ADGRL3: variants seen among roughly 807,000 people sequenced by gnomAD.
The protein encoded by ADGRL3 is calcium-independent alpha-latrotoxin receptor 3.
In ADGRL3, 62 loss-of-function variants were observed where a neutral mutation model predicts 153.5. The ratio of observed to expected loss-of-function variants is 0.40; its 90% CI spans 0.33 to 0.50. ADGRL3 has a LOEUF of 0.50. Among genes scored for constraint, ADGRL3 ranks in the 20% least tolerant of loss-of-function variants. ADGRL3 has a pLI of 0.47. For missense variants in ADGRL3, 1,641 were observed against 1,859.4 expected, an observed-to-expected ratio of 0.88 and a Z score of 2.16; for synonymous variants, 710 against 672.5, an observed-to-expected ratio of 1.06 and a Z score of -0.86.
At position 61,412,686 on chromosome 4, in the gene ADGRL3, T is replaced by C. The variant is rs1489415141; in HGVS notation, c.-174+29497T>C. ...TCCTAAAGTTAGCTAACTTGATTCT[T>C]CTCTCCTTCCTTTCCATTTGGCTCT... On this transcript the variant is annotated intron_variant, in intron 2 of 26. Transcript: ENST00000683033. Among the ~76,000 whole-genome samples, 5 of 152,186 alleles carry C rather than the reference T, an allele frequency of 3.3e-5. No homozygotes were observed. In the South Asian group the frequency reaches 1.0e-3, roughly 32 times the overall value.
chr4:61,454,855 A>T (rs764790332), intron 2 of ADGRL3, among the ~76,000 whole-genome samples: 1 of 152,114 alleles, frequency 6.6e-6, no homozygotes. Flanking sequence ...AGAGTAGTGT[A>T]TGTCTTTGGA....
chr4:61,297,898 T>TTGATCAG (rs2094464858), intron 1 of ADGRL3, among the ~76,000 whole-genome samples: 2 of 152,134 alleles, frequency 1.3e-5, no homozygotes, highest in African/African-American at 4.8e-5. Context: ...TACAGTATCA[T>TTGATCAG]TTGCGAGACT....
At chr4:61,577,230 A>G (rs1055048188) in intron 4 of ADGRL3, among the ~76,000 whole-genome samples, 25 of 117,832 alleles carry the variant, frequency 2.1e-4, no homozygotes, top group African/African-American at 3.8e-4. Context: ...TGGGGGGGGG[A>G]TGAGGGAGGG....
chr4:62,008,257 T>G (rs1581858789), intron 21 of ADGRL3, among the ~76,000 whole-genome samples: 4 of 152,272 alleles, frequency 2.6e-5, no homozygotes, highest in Admixed American at 2.0e-4. Context: ...TGGTTTGTTT[T>G]TAAGCATGAG....
chr4:61,972,274 G>C (rs2150682624), intron 17 of ADGRL3, among the ~76,000 whole-genome samples: 1 of 152,180 alleles, frequency 6.6e-6, no homozygotes, highest in South Asian at 2.1e-4. Flanking sequence ...TTTCTTCTAG[G>C]GTTTTTATGG....
chr4:61,902,106 A>G (rs1002577871), intron 11 of ADGRL3, among the ~76,000 whole-genome samples: 5 of 152,190 alleles, frequency 3.3e-5, no homozygotes, highest in African/African-American at 1.2e-4. Flanking sequence ...AGAAGTAAAC[A>G]GGGGGATCAG....
chr4:61,988,904 A>C (rs2150952020), intron 19 of ADGRL3, among the ~76,000 whole-genome samples: 1 of 152,294 alleles, frequency 6.6e-6, no homozygotes, highest in Non-Finnish European at 1.5e-5. Flanking sequence ...CTTGAGTCCT[A>C]GAAGAATAGC....
At chr4:61,929,942 G>A (rs2098810664) in intron 13 of ADGRL3, among the ~76,000 whole-genome samples, 2 of 152,080 alleles carry the variant, frequency 1.3e-5, no homozygotes, top group Admixed American at 6.6e-5. Flanking sequence ...TGGGAGGTCC[G>A]AGGCAGGCGG....
intron 1 of ADGRL3, among the ~76,000 whole-genome samples, chr4:61,279,684 A>C (rs1045548592): frequency 3.3e-5 from 5 of 152,074 alleles, no homozygotes; most frequent in Non-Finnish European, 5.9e-5. Context: ...AGGACTTTAC[A>C]TGTCTCTGTT....
intron 17 of ADGRL3, among the ~76,000 whole-genome samples, chr4:61,964,525 A>G (rs79921203): frequency 0.025 from 3,822 of 152,120 alleles, 162 homozygotes; most frequent in African/African-American, 0.088. Context: ...TTTCATAATG[A>G]AATTGTCTAA....
At chr4:61,630,027 T>A (rs1415903973) in intron 5 of ADGRL3, among the ~76,000 whole-genome samples, 1 of 152,098 alleles carries the variant, frequency 6.6e-6, no homozygotes, top group African/African-American at 2.4e-5. Context: ...ATATGACAGA[T>A]CTCTTCATCT....
chr4:61,878,287 A>T (rs1329496850), intron 9 of ADGRL3, among the ~76,000 whole-genome samples: 2 of 152,170 alleles, frequency 1.3e-5, no homozygotes, highest in Non-Finnish European at 2.9e-5. Context: ...ATTCTGAAGT[A>T]CTCAAGATTA....
intron 9 of ADGRL3, among the ~76,000 whole-genome samples, chr4:61,826,743 T>A (rs1356526214): frequency 2.6e-5 from 4 of 152,042 alleles, no homozygotes. Context: ...CATATTGGTG[T>A]GGCCTTTCCT....
At chr4:61,431,579 C>T (rs908662122) in intron 2 of ADGRL3, among the ~76,000 whole-genome samples, 1 of 152,084 alleles carries the variant, frequency 6.6e-6, no homozygotes, top group Non-Finnish European at 1.5e-5. Flanking sequence ...AAGTGTTGGG[C>T]AGAGAACAAA....
At chr4:61,995,828 A>G (rs1261923209) in intron 19 of ADGRL3, among the ~76,000 whole-genome samples, 1 of 152,120 alleles carries the variant, frequency 6.6e-6, no homozygotes, top group Non-Finnish European at 1.5e-5. Context: ...TTAAACTTCA[A>G]TCTTCTGATA....
chr4:61,706,411 G>A, intron 6 of ADGRL3, among the ~76,000 whole-genome samples: 1 of 127,724 alleles, frequency 7.8e-6, no homozygotes, highest in East Asian at 2.6e-4. Flanking sequence ...GGGTGACAGA[G>A]TGAGACTCCC....
intron 15 of ADGRL3, among the ~76,000 whole-genome samples, chr4:61,945,830 C>T (rs1162006544): frequency 1.3e-5 from 2 of 152,034 alleles, no homozygotes; most frequent in Non-Finnish European, 2.9e-5. Context: ...CCTGCGCCCA[C>T]TGTCTGGCAC....
At chr4:61,596,692 A>G (rs566526022) in intron 5 of ADGRL3, among the ~76,000 whole-genome samples, 2 of 152,240 alleles carry the variant, frequency 1.3e-5, no homozygotes, top group African/African-American at 4.8e-5. Flanking sequence ...GTCTCTACCA[A>G]AAATTAAATT....
At chr4:61,787,104 A>G (rs1310847981) in intron 8 of ADGRL3, among the ~76,000 whole-genome samples, 1 of 152,194 alleles carries the variant, frequency 6.6e-6, no homozygotes, top group Non-Finnish European at 1.5e-5. Flanking sequence ...TGCTAGAAGC[A>G]ACGGGAAAAG....
Sources: gnomAD v4.1 joint callset for allele counts (sites outside exome capture counted in the v4.1 genomes callset) on GRCh38, gnomAD v4.1.1 for gene constraint, MANE v1.5 for transcripts, NCBI Gene and HGNC (gene_info 2026-07-23, HGNC 2026-07-21) for gene names.